ZNF516: variants seen among roughly 807,000 people sequenced by gnomAD.
ZNF516 encodes zinc finger protein 516.
A neutral mutation model predicts 79.7 loss-of-function variants in ZNF516; 19 were observed. The ratio of observed to expected loss-of-function variants is 0.24; its 90% CI spans 0.17 to 0.35. The LOEUF is 0.35. Among genes scored for constraint, ZNF516 ranks in the 10% least tolerant of loss-of-function variants. The probability of loss-of-function intolerance (pLI) is 1.00; values close to 1 mark genes in which losing one functional copy is unlikely to be tolerated. For synonymous variants in ZNF516, 877 were observed against 739.5 expected (o/e 1.19, Z -3.02); for missense variants, 1,678 against 1,679.5 (o/e 1.00, Z 0.02).
Position 76,378,872 on chromosome 18 carries a change from G to A in ZNF516, c.3242C>T (p.Pro1081Leu). ...TLYQGWGVSGPGLEHRGTLRT... is the reference protein window; with the variant it reads ...TLYQGWGVSGLGLEHRGTLRT... Reference sequence around the variant, plus strand: ...CATCTTACCTCTGTGCTCCAACCCAGGGCCGCTGACACCCCATCCCTGGTA... The same window carrying A: ...CATCTTACCTCTGTGCTCCAACCCAAGGCCGCTGACACCCCATCCCTGGTA... The change falls in exon 4 of 7, where the codon CCT (proline) becomes CTT (leucine). Residue 1081 changes from proline to leucine, a missense_variant. Pro to Leu is a moderately conservative substitution (Grantham distance 98). Transcript: ENST00000443185. 6.2e-7 allele frequency: 1 copy of A among 1,613,316 alleles called. No individual in the cohort carries two copies. The highest frequency in any genetic ancestry group is 8.5e-7 in the Non-Finnish European group (1 of 1,179,612).
intron 1 of ZNF516, chr18:76,492,296 A>ACAT (rs1279923785): frequency 2.5e-5 from 25 of 985,318 alleles, no homozygotes; most frequent in Non-Finnish European, 2.9e-5. Context: ...CGAGCCACAC[A>ACAT]CATCACTACC....
At chr18:76,441,006 C>A (rs2075810391) in intron 3 of ZNF516, among the ~76,000 whole-genome samples, 1 of 152,164 alleles carries the variant, frequency 6.6e-6, no homozygotes. Context: ...CAGATCCATA[C>A]TGGGGACAGA....
At chr18:76,473,355 CAAAAAAA>C (rs35092154) in intron 1 of ZNF516, among the ~76,000 whole-genome samples, 13 of 87,678 alleles carry the variant, frequency 1.5e-4, no homozygotes, top group Admixed American at 1.2e-3. Context: ...TTGCTCTCTG[CAAAAAAA>C]AAAAAAAAAA....
At chr18:76,381,437 C>T (rs1285051597) in intron 3 of ZNF516, among the ~76,000 whole-genome samples, 1 of 152,194 alleles carries the variant, frequency 6.6e-6, no homozygotes, top group Non-Finnish European at 1.5e-5. Flanking sequence ...TATAAGGCCC[C>T]AAGTTCTTGG....
intron 3 of ZNF516, among the ~76,000 whole-genome samples, chr18:76,405,684 C>T (rs2075294995): frequency 1.3e-5 from 2 of 151,992 alleles, no homozygotes; most frequent in Admixed American, 1.3e-4. Flanking sequence ...CATCCACGGT[C>T]ATCAGGCCTG....
At chr18:76,457,761 T>C (rs1258164472) in intron 2 of ZNF516, among the ~76,000 whole-genome samples, 2 of 152,180 alleles carry the variant, frequency 1.3e-5, no homozygotes, top group Non-Finnish European at 1.5e-5. Context: ...CTCCCACCAC[T>C]GACTTGGGTC....
At chr18:76,452,931 A>C (rs1366975962) in intron 2 of ZNF516, among the ~76,000 whole-genome samples, 1 of 152,192 alleles carries the variant, frequency 6.6e-6, no homozygotes, top group African/African-American at 2.4e-5. Context: ...CTTTTTAATA[A>C]AGGAGTGTCC....
chr18:76,443,225 G>T lies in ZNF516; in HGVS notation c.-157-14C>A. 1 of 1,006,136 alleles carries T rather than the reference G, an allele frequency of 9.9e-7. No individual in the cohort carries two copies. The highest frequency in any genetic ancestry group is 1.4e-6 in the Non-Finnish European group (1 of 717,978). The allele number at this position is 1,006,136 out of a possible 1,614,324, so 62.3% of individuals were successfully genotyped here. On this transcript the variant is annotated splice_polypyrimidine_tract_variant and intron_variant, in intron 2 of 6. Transcript: ENST00000443185. Reference sequence around the variant, plus strand: ...GGCAGCCAGCACCTGAAACAGAGATGGAACATCATCAGCAAAGCTCCTGGC... The same window carrying T: ...GGCAGCCAGCACCTGAAACAGAGATTGAACATCATCAGCAAAGCTCCTGGC...
At chr18:76,401,266 T>G (rs1313027500) in intron 3 of ZNF516, among the ~76,000 whole-genome samples, 2 of 85,198 alleles carry the variant, frequency 2.3e-5, no homozygotes, top group South Asian at 3.7e-4. Flanking sequence ...TTTTTTTTTT[T>G]GTGAACCAAA....
chr18:76,492,961 T>C (rs1011298562), intron 1 of ZNF516: 15 of 985,454 alleles, frequency 1.5e-5, no homozygotes, highest in Non-Finnish European at 1.7e-5. Context: ...TGCAGACACA[T>C]GGGCTCATGC....
rs2074685327 is a variant in ZNF516, at chr18:76,370,532, T to C, written c.3428A>G (p.Lys1143Arg). 5.0e-6 allele frequency: 8 copies of C among 1,606,778 alleles called. No individual in the cohort carries two copies. The highest frequency in any genetic ancestry group is 6.8e-6 in the Non-Finnish European group (8 of 1,176,216). Residue 1143 changes from lysine to arginine, a missense_variant, in exon 6 of 7, where the codon AAA (lysine) becomes AGA (arginine). Lys to Arg is a conservative substitution (Grantham distance 26, BLOSUM62 2). This residue lies in a region of ZNF516 where 1,294 missense variants were observed against 1,248.3 expected (regional missense o/e 1.04). Transcript: ENST00000443185. ...CCAATTCATCATGAGACCTACTTGT[T>C]TGGGGGCGTCTGCGGAGGTGGTATG... ...EVHTTSADAP[K>R]QGRDHSNTGT...
intron 3 of ZNF516, among the ~76,000 whole-genome samples, chr18:76,425,510 G>A (rs2075581386): frequency 6.6e-6 from 1 of 152,186 alleles, no homozygotes. Flanking sequence ...CCTGACCACT[G>A]ATTCCCCATC....
chr18:76,376,124 C>T (rs1702973533), intron 4 of ZNF516, among the ~76,000 whole-genome samples: 1 of 152,198 alleles, frequency 6.6e-6, no homozygotes. Flanking sequence ...GAAGAGTTCT[C>T]AACTTGTTCT....
In ZNF516 at chr18:76,451,327, G is replaced by A. The variant is rs964369124; in HGVS notation, c.-157-8116C>T. On this transcript the variant is annotated intron_variant, in intron 2 of 6. Coordinates refer to ENST00000443185, the MANE Select transcript of ZNF516 (RefSeq NM_014643.4). This position sits in a 1 kb window ranked among gnomAD's most constrained non-coding sequence, Gnocchi z 6.0. ...TTCCGGGGGCGGGGGGGGCACCGAT[G>A]TCAGCCCGGGATGGATGTCCGCGGG... 6.6e-6 allele frequency among the ~76,000 whole-genome samples: 1 copy of A among 152,182 alleles called. No individual in the cohort carries two copies. The highest frequency in any genetic ancestry group is 2.4e-5 in the African/African-American group (1 of 41,450).
At chr18:76,377,233 G>A (rs764703909) in intron 4 of ZNF516, among the ~76,000 whole-genome samples, 1 of 152,238 alleles carries the variant, frequency 6.6e-6, no homozygotes, top group Non-Finnish European at 1.5e-5. Flanking sequence ...CTAAGACCAC[G>A]CCTCAGGGAC....
At chr18:76,463,874 C>A (rs879668796) in intron 1 of ZNF516, among the ~76,000 whole-genome samples, 11 of 152,350 alleles carry the variant, frequency 7.2e-5, no homozygotes, top group Admixed American at 2.0e-4. Context: ...ACTGCCTGAG[C>A]AATAAGCAGT....
intron 1 of ZNF516, among the ~76,000 whole-genome samples, chr18:76,487,045 C>T (rs1184119563): frequency 1.3e-5 from 2 of 152,160 alleles, no homozygotes; most frequent in East Asian, 1.9e-4. Flanking sequence ...TACATGTTTG[C>T]TTTCTAAAAA....
intron 3 of ZNF516, among the ~76,000 whole-genome samples, chr18:76,412,412 G>C (rs2075382614): frequency 6.6e-6 from 1 of 152,278 alleles, no homozygotes; most frequent in South Asian, 2.1e-4. Flanking sequence ...TCCTGGGAGG[G>C]CCATTCCTAC....
chr18:76,444,599 C>G (rs1432999380), intron 2 of ZNF516, among the ~76,000 whole-genome samples: 1 of 152,162 alleles, frequency 6.6e-6, no homozygotes, highest in Admixed American at 6.5e-5. Flanking sequence ...GGTGGCAGCT[C>G]CCTGTTTGCT....
Sources: allele counts gnomAD v4.1 joint callset (sites outside exome capture counted in the v4.1 genomes callset), GRCh38; gene constraint gnomAD v4.1.1; regional missense constraint gnomAD v4.1.1; non-coding constraint Gnocchi (gnomAD v3.1); transcripts MANE v1.5; gene names NCBI Gene and HGNC (gene_info 2026-07-23, HGNC 2026-07-21).